MAP3K7: variants seen among roughly 807,000 people sequenced by gnomAD.
MAP3K7 encodes the protein mitogen-activated protein kinase kinase kinase 7.
A neutral mutation model predicts 84.8 loss-of-function variants in MAP3K7; 21 were observed. That is an observed-to-expected ratio of 0.25 (90% confidence interval 0.18 to 0.36). MAP3K7 has a LOEUF of 0.36. Ranked by LOEUF, MAP3K7 falls within the 10% of genes least tolerant of loss-of-function variation. The pLI, the probability that MAP3K7 is intolerant of heterozygous loss-of-function variation, is 1.00. For synonymous variants in MAP3K7, 241 were observed against 247.7 expected (o/e 0.97, Z 0.25); for missense variants, 503 against 747.7 (o/e 0.67, Z 3.82).
rs1774934017 is a variant in MAP3K7, at chr6:90,515,639, AC to A, written c.*861del. 6.6e-6 allele frequency: 1 copy of A among 151,216 alleles called. No individual in the cohort carries two copies. Among genetic ancestry groups the A allele is most frequent in the Non-Finnish European group, 1.5e-5 (1 of 67,772 alleles). 9.4% of individuals were successfully genotyped at this position (151,216 alleles called of 1,614,324 possible). Reference sequence around the variant, plus strand: ...TTTCTTCATTTTTTTTTTTTCAAATACATGAGAAAACAATCCAAGAATCACT... The same window carrying A: ...TTTCTTCATTTTTTTTTTTTCAAATAATGAGAAAACAATCCAAGAATCACT... On this transcript the variant is annotated 3_prime_UTR_variant, in exon 17 of 17. Coordinates refer to ENST00000369329, the MANE Select transcript of MAP3K7 (RefSeq NM_145331.3).
intron 12 of MAP3K7, chr6:90,542,538 A>G: frequency 6.2e-6 from 6 of 963,988 alleles, no homozygotes; most frequent in Non-Finnish European, 7.4e-6. Context: ...CACTAAGAGA[A>G]AGCAAGAAGA....
chr6:90,584,272 C>G (rs1188552213), intron 1 of MAP3K7, among the ~76,000 whole-genome samples: 1 of 152,060 alleles, frequency 6.6e-6, no homozygotes, highest in Non-Finnish European at 1.5e-5. Flanking sequence ...ATGGTTCACC[C>G]TGGATTGTGT....
intron 1 of MAP3K7, among the ~76,000 whole-genome samples, chr6:90,584,147 A>G (rs1777367518): frequency 6.6e-6 from 1 of 152,232 alleles, no homozygotes; most frequent in Non-Finnish European, 1.5e-5. Flanking sequence ...TTCTCATACA[A>G]TATAAAATAT....
At position 90,561,725 on chromosome 6, in the gene MAP3K7, T is replaced by A. The variant is rs1776521589; in HGVS notation, c.298-58A>T. The A allele has an allele frequency of 3.4e-6, 4 of 1,186,664 alleles. No homozygotes were observed. The East Asian group carries it at 7.0e-5, about 21-fold the overall frequency. The allele number at this position is 1,186,664 out of a possible 1,614,324, so 73.5% of individuals were successfully genotyped here. A position where few individuals can be genotyped will look rare whatever the true frequency, so the allele number is the denominator to read the frequency against. On this transcript the variant is annotated intron_variant, in intron 3 of 16. Coordinates refer to ENST00000369329, the MANE Select transcript of MAP3K7 (RefSeq NM_145331.3). ...AGAAGCTCCATCATCTTAGGGCCTT[T>A]GAGAGAGAATTTAATTCACTCCCCT...
At chr6:90,568,356 A>G (rs1776784962) in intron 3 of MAP3K7, among the ~76,000 whole-genome samples, 1 of 152,200 alleles carries the variant, frequency 6.6e-6, no homozygotes, top group African/African-American at 2.4e-5. Flanking sequence ...TATAATAGCC[A>G]CATGTACTCA....
At chr6:90,535,950 T>C (rs868123370) in intron 13 of MAP3K7, among the ~76,000 whole-genome samples, 2 of 152,206 alleles carry the variant, frequency 1.3e-5, no homozygotes, top group African/African-American at 2.4e-5. Flanking sequence ...TAGCAACTTA[T>C]TGGGGAAATG....
Position 90,514,829 on chromosome 6 carries a change from T to C in MAP3K7, c.*1672A>G, listed in dbSNP as rs1027077620. 2.7e-5 allele frequency: 4 copies of C among 145,736 alleles called. No homozygotes were observed. The highest frequency in any genetic ancestry group is 2.1e-4 in the Admixed American group (3 of 14,408). The allele number at this position is 145,736 out of a possible 1,614,324, so 9.0% of individuals were successfully genotyped here. On this transcript the variant is annotated 3_prime_UTR_variant, in exon 17 of 17. Transcript: ENST00000369329. ...CTATTACTATGCTGAATCCAATATC[T>C]GTTTCAGCTAGGTAATCAAATTTGG...
At chr6:90,536,520 G>T in intron 12 of MAP3K7, 119 bp from the exon 13 acceptor site, 2 of 670,014 alleles carry the variant, frequency 3.0e-6, no homozygotes, top group Non-Finnish European at 5.0e-6. Flanking sequence ...AAATGTTTGT[G>T]GGGAAAAAAA....
chr6:90,550,611 A>G (rs906862863), intron 8 of MAP3K7, 62 bp from the exon 9 acceptor site: 21 of 1,051,874 alleles, frequency 2.0e-5, no homozygotes, highest in African/African-American at 3.2e-5. Context: ...ATCCTGATTA[A>G]TGTTTTATTT....
chr6:90,586,786 T>TA lies in MAP3K7; in HGVS notation c.97dup (p.Tyr33LeufsTer22). On this transcript the variant is annotated frameshift_variant, in exon 1 of 17. Transcript: ENST00000369329. LOFTEE classifies it high-confidence loss of function. Reference sequence around the variant, plus strand: ...CACCTCTTCCACCTCGATCTCCTTGTAGTCGATCTCTTCAAAGTTGAGGAC... The same window carrying TA: ...CACCTCTTCCACCTCGATCTCCTTGTAAGTCGATCTCTTCAAAGTTGAGGAC... The TA allele has an allele frequency of 6.2e-7, 1 of 1,606,742 alleles. No individual in the cohort carries two copies. The highest frequency in any genetic ancestry group is 1.7e-5 in the Admixed American group (1 of 59,114).
chr6:90,561,134 T>C (rs576404282), intron 4 of MAP3K7, among the ~76,000 whole-genome samples: 2 of 152,260 alleles, frequency 1.3e-5, no homozygotes. Context: ...ATATGGTTGG[T>C]ATTTTTAGGG....
intron 1 of MAP3K7, among the ~76,000 whole-genome samples, chr6:90,580,192 A>G (rs1242063675): frequency 6.6e-6 from 1 of 152,224 alleles, no homozygotes; most frequent in African/African-American, 2.4e-5. Flanking sequence ...ATTATTAGAT[A>G]AGGAATGAGC....
In MAP3K7 at chr6:90,515,939, A is replaced by T. The variant is rs1413854903; in HGVS notation, c.*562T>A. ...ATATTTTACGGATGGAACTGAGTTCAGTACTGATCCAAGGATGCTGGCATC... is the reference window on the plus strand; with the variant it reads ...ATATTTTACGGATGGAACTGAGTTCTGTACTGATCCAAGGATGCTGGCATC... On this transcript the variant is annotated 3_prime_UTR_variant, in exon 17 of 17. Coordinates refer to ENST00000369329, the MANE Select transcript of MAP3K7 (RefSeq NM_145331.3). 1.3e-5 allele frequency: 2 copies of T among 153,416 alleles called. No individual in the cohort carries two copies. Among genetic ancestry groups the T allele is most frequent in the Non-Finnish European group, 2.9e-5 (2 of 68,690 alleles). 9.5% of individuals were successfully genotyped at this position (153,416 alleles called of 1,614,324 possible).
chr6:90,514,965 T>C lies in MAP3K7; in HGVS notation c.*1536A>G, dbSNP rs1242294945. ...TAAAAATAACAGTTTAGTATTCACCTGTATTGCTTGTATACACAAGGAATT... is the reference window on the plus strand; with the variant it reads ...TAAAAATAACAGTTTAGTATTCACCCGTATTGCTTGTATACACAAGGAATT... On this transcript the variant is annotated 3_prime_UTR_variant, in exon 17 of 17. Transcript: ENST00000369329. 5 of 152,018 alleles carry C rather than the reference T, an allele frequency of 3.3e-5. No homozygotes were observed. The highest frequency in any genetic ancestry group is 1.2e-4 in the African/African-American group (5 of 41,440). 9.4% of individuals were successfully genotyped at this position (152,018 alleles called of 1,614,324 possible).
intron 13 of MAP3K7, among the ~76,000 whole-genome samples, chr6:90,525,585 A>G (rs925465520): frequency 8.5e-5 from 13 of 152,078 alleles, no homozygotes; most frequent in African/African-American, 3.1e-4. Context: ...ATTTGTTTTT[A>G]AAGACAGGGT....
At chr6:90,566,658 A>T (rs1776716213) in intron 3 of MAP3K7, among the ~76,000 whole-genome samples, 1 of 152,204 alleles carries the variant, frequency 6.6e-6, no homozygotes, top group East Asian at 1.9e-4. Flanking sequence ...TATAGATTCA[A>T]TGCCATCCCC....
intron 1 of MAP3K7, among the ~76,000 whole-genome samples, chr6:90,575,574 A>G (rs1049293727): frequency 1.3e-5 from 2 of 152,178 alleles, no homozygotes; most frequent in African/African-American, 4.8e-5. Flanking sequence ...TTGTGAAGCA[A>G]AAAGCAAGCT....
chr6:90,528,318 T>C (rs998476835), intron 13 of MAP3K7, among the ~76,000 whole-genome samples: 1 of 152,164 alleles, frequency 6.6e-6, no homozygotes, highest in Admixed American at 6.5e-5. Context: ...AGCTTCAACA[T>C]ATATACAAAC....
chr6:90,572,983 C>A (rs1030468260), intron 1 of MAP3K7, among the ~76,000 whole-genome samples: 4 of 152,074 alleles, frequency 2.6e-5, no homozygotes, highest in Admixed American at 2.6e-4. Flanking sequence ...TTTTCTTTAG[C>A]AAAAAATCTG....
Sources: gnomAD v4.1 joint callset for allele counts (sites outside exome capture counted in the v4.1 genomes callset) on GRCh38, gnomAD v4.1.1 for gene constraint, MANE v1.5 for transcripts, NCBI Gene and HGNC (gene_info 2026-07-23, HGNC 2026-07-21) for gene names.